Variants in ADAMTS19 observed in about 807,000 individuals in gnomAD.
The protein encoded by ADAMTS19 is A disintegrin and metalloproteinase with thrombospondin motifs 19.
ADAMTS19 carries 93 observed loss-of-function variants against 153.3 expected under a neutral mutation model. The ratio of observed to expected loss-of-function variants is 0.61; its 90% CI spans 0.51 to 0.72. The LOEUF (loss-of-function observed/expected upper bound fraction) is 0.72. ADAMTS19 is among the 30% of genes least tolerant of loss of function. ADAMTS19 has a pLI of 0.00. For synonymous variants in ADAMTS19, 600 were observed against 556.6 expected (o/e 1.08, Z -1.10); for missense variants, 1,482 against 1,552.1 (o/e 0.95, Z 0.76).
At chr5:129,682,049 C>A (rs1358295598) in intron 17 of ADAMTS19, among the ~76,000 whole-genome samples, 2 of 152,120 alleles carry the variant, frequency 1.3e-5, no homozygotes, top group Non-Finnish European at 2.9e-5. Flanking sequence ...TACTAAGCTT[C>A]AAATTCAGAA....
At chr5:129,470,377 T>A (rs1750023293) in intron 2 of ADAMTS19, among the ~76,000 whole-genome samples, 1 of 152,184 alleles carries the variant, frequency 6.6e-6, no homozygotes, top group Non-Finnish European at 1.5e-5. Flanking sequence ...TCCTGGTAGG[T>A]GGGATATGTT....
intron 7 of ADAMTS19, among the ~76,000 whole-genome samples, chr5:129,570,587 A>G (rs1464492941): frequency 6.6e-6 from 1 of 151,696 alleles, no homozygotes; most frequent in Non-Finnish European, 1.5e-5. Context: ...GGATACTTAG[A>G]TTTACCGATA....
At position 129,550,022 on chromosome 5, in the gene ADAMTS19, GTATATCTAGA is replaced by G. The variant is rs1422672735; in HGVS notation, c.1329-1837_1329-1828del. On this transcript the variant is annotated intron_variant, in intron 6 of 22. Transcript: ENST00000274487. The stretch of plus-strand genomic sequence containing the variant: ...TCTAGATATACATATACATGTATAT[GTATATCTAGA>G]TATACATATACATGTATCTGTATAT... 2.5e-5 allele frequency among the ~76,000 whole-genome samples: 3 copies of G among 119,010 alleles called. No individual in the cohort carries two copies. In the South Asian group the frequency reaches 8.8e-4, roughly 35 times the overall value. 78.1% of individuals were successfully genotyped at this position (119,010 alleles called of 152,430 possible).
intron 8 of ADAMTS19, among the ~76,000 whole-genome samples, chr5:129,615,118 A>C (rs1006257173): frequency 6.6e-6 from 1 of 152,120 alleles, no homozygotes; most frequent in Non-Finnish European, 1.5e-5. Context: ...TGCCCAAGGT[A>C]ATTTATAGAT....
Position 129,509,139 on chromosome 5 carries a change from CA to C in ADAMTS19, c.811del (p.Ile271Ter). On this transcript the variant is annotated frameshift_variant, in exon 3 of 23. Transcript: ENST00000274487. LOFTEE classifies it high-confidence loss of function. ...TTGAGCCACTCAATGATACAATGGC[CA>C]TAACAGGTCACCCACACCGTGTATA... ...FIEPLNDTMA[I>X]TGHPHRVYRQ... 1 of 1,612,032 alleles carries C rather than the reference CA, an allele frequency of 6.2e-7. No homozygotes were observed. The highest frequency in any genetic ancestry group is 8.5e-7 in the Non-Finnish European group (1 of 1,178,724).
rs752383556 is a variant in ADAMTS19, at chr5:129,679,856, G to A, written c.2599G>A (p.Val867Ile). 6.2e-7 allele frequency: 1 copy of A among 1,614,060 alleles called. No homozygotes were observed. Among genetic ancestry groups the A allele is most frequent in the Non-Finnish European group, 8.5e-7 (1 of 1,179,978 alleles). Residue 867 changes from valine to isoleucine, a missense_variant, in exon 17 of 23, where the codon GTA (valine) becomes ATA (isoleucine). Val to Ile is a conservative substitution (Grantham distance 29). This residue lies in a region of ADAMTS19 where 616 missense variants were observed against 724.4 expected (regional missense o/e 0.85). Coordinates refer to ENST00000274487, the MANE Select transcript of ADAMTS19 (RefSeq NM_133638.6). ...TTTGGCTGGAACTACCGTTCATTATGTAAGACGAGGCCTCTGGGAGAAGAT... is the reference window on the plus strand; with the variant it reads ...TTTGGCTGGAACTACCGTTCATTATATAAGACGAGGCCTCTGGGAGAAGAT... ...FNLAGTTVHY[V>I]RRGLWEKISA...
rs188690333 is a variant in ADAMTS19, at chr5:129,704,507, A to G, written c.3312+116A>G. The G allele has an allele frequency of 3.2e-4, 380 of 1,173,142 alleles. 2 individuals carry two copies. The highest frequency in any genetic ancestry group is 4.2e-4 in the Non-Finnish European group (360 of 847,850). 72.7% of individuals were successfully genotyped at this position (1,173,142 alleles called of 1,614,324 possible). On this transcript the variant is annotated intron_variant, in intron 21 of 22. Transcript: ENST00000274487. Reference sequence around the variant, plus strand: ...GGGAAGGAGAGTAGAATTAAACATCATGGGATATGGGGCAGATTCTGGCTG... The same window carrying G: ...GGGAAGGAGAGTAGAATTAAACATCGTGGGATATGGGGCAGATTCTGGCTG...
chr5:129,552,200 A>T (rs1392265831), intron 7 of ADAMTS19, among the ~76,000 whole-genome samples: 4 of 151,868 alleles, frequency 2.6e-5, no homozygotes, highest in Non-Finnish European at 1.5e-5. Context: ...TATTATTATT[A>T]ATAACCAAAG....
At chr5:129,484,082 A>T (rs1032346841) in intron 2 of ADAMTS19, among the ~76,000 whole-genome samples, 1 of 152,158 alleles carries the variant, frequency 6.6e-6, no homozygotes, top group Non-Finnish European at 1.5e-5. Flanking sequence ...TACTTCGTGA[A>T]TTTTTAATGT....
At position 129,506,208 on chromosome 5, in the gene ADAMTS19, GAC is replaced by G. The variant is rs1198273163; in HGVS notation, c.748-2865_748-2864del. On this transcript the variant is annotated intron_variant, in intron 2 of 22. Transcript: ENST00000274487. Reference sequence around the variant, plus strand: ...TTTAATATGAGCCAGTATCTTGAATGACACATATTCATGCTAGGGCACTTTGT... The same window carrying G: ...TTTAATATGAGCCAGTATCTTGAATGACATATTCATGCTAGGGCACTTTGT... Among the ~76,000 whole-genome samples the G allele has an allele frequency of 3.9e-5, 6 of 152,230 alleles. No homozygotes were observed. In the East Asian group the frequency reaches 1.2e-3, roughly 29 times the overall value.
At chr5:129,633,489 T>C (rs2127005139) in intron 10 of ADAMTS19, among the ~76,000 whole-genome samples, 1 of 152,316 alleles carries the variant, frequency 6.6e-6, no homozygotes, top group South Asian at 2.1e-4. Flanking sequence ...GCTTAAAGTT[T>C]TACTGGAACA....
chr5:129,611,248 C>A (rs1751200436), intron 8 of ADAMTS19, among the ~76,000 whole-genome samples: 1 of 152,170 alleles, frequency 6.6e-6, no homozygotes, highest in East Asian at 1.9e-4. Context: ...TGCCTGTCCA[C>A]TCTGATGGTA....
intron 2 of ADAMTS19, among the ~76,000 whole-genome samples, chr5:129,506,270 A>C (rs538342413): frequency 6.6e-6 from 1 of 152,278 alleles, no homozygotes; most frequent in African/African-American, 2.4e-5. Flanking sequence ...CCAGAAAGAA[A>C]GTTCATGGTA....
chr5:129,706,377 C>T (rs1756152320), intron 21 of ADAMTS19, among the ~76,000 whole-genome samples: 1 of 152,082 alleles, frequency 6.6e-6, no homozygotes, highest in Non-Finnish European at 1.5e-5. Flanking sequence ...TGAGACCAGC[C>T]TGGCCAACAT....
chr5:129,574,274 C>CT (rs944897409), intron 7 of ADAMTS19, among the ~76,000 whole-genome samples: 2 of 151,910 alleles, frequency 1.3e-5, no homozygotes, highest in Admixed American at 6.6e-5. Flanking sequence ...AGACAACTAA[C>CT]TTTTTTTTCG....
At position 129,513,041 on chromosome 5, in the gene ADAMTS19, T is replaced by C. The variant is rs535774971; in HGVS notation, c.913+3799T>C. 1.2e-4 allele frequency among the ~76,000 whole-genome samples: 19 copies of C among 152,104 alleles called. No homozygotes were observed. In the South Asian group the frequency reaches 1.7e-3, roughly 13 times the overall value. On this transcript the variant is annotated intron_variant, in intron 3 of 22. Transcript: ENST00000274487. ...TCTCCTGACTTCCATATATATGTAA[T>C]AGTAACTTCTATTCAGATGTCATCA... is the stretch of plus-strand genomic sequence containing the variant.
intron 11 of ADAMTS19, among the ~76,000 whole-genome samples, chr5:129,645,885 A>ATTTTTTTTTTTTTT (rs529444004): frequency 8.7e-4 from 84 of 97,092 alleles, no homozygotes; most frequent in African/African-American, 3.6e-3. Context: ...TCCTTTTCCA[A>ATTTTTTTTTTTTTT]TTTTTTTTTT....
chr5:129,485,685 G>A (rs1299134159), intron 2 of ADAMTS19, among the ~76,000 whole-genome samples: 1 of 152,084 alleles, frequency 6.6e-6, no homozygotes, highest in East Asian at 1.9e-4. Flanking sequence ...TGTTGAGAAA[G>A]TTTACAACTT....
chr5:129,719,712 A>C (rs115710435), intron 21 of ADAMTS19, among the ~76,000 whole-genome samples: 373 of 152,202 alleles, frequency 2.5e-3, no homozygotes, highest in African/African-American at 8.5e-3. Context: ...TAAAATATCA[A>C]ACTGCCAGTT....
Sources: gnomAD v4.1 joint callset for allele counts (sites outside exome capture counted in the v4.1 genomes callset) on GRCh38, gnomAD v4.1.1 for gene constraint, gnomAD v4.1.1 regional missense constraint, MANE v1.5 for transcripts, NCBI Gene and HGNC (gene_info 2026-07-23, HGNC 2026-07-21) for gene names.